Variants in BATF2 observed in about 807,000 individuals in gnomAD.
BATF2 encodes the protein basic leucine zipper transcriptional factor ATF-like 2.
Under a neutral mutation model 7.3 loss-of-function variants are expected in BATF2, and 4 were observed. The observed-to-expected ratio is 0.55, with a 90% CI of 0.27 to 1.26. The LOEUF is 1.26. Ranked by LOEUF, BATF2 falls within the 50% of genes most tolerant of loss-of-function variation. The pLI is 0.11. For missense variants in BATF2, 295 were observed against 340.5 expected (o/e 0.87, Z 1.05); for synonymous variants, 152 against 153.9 (o/e 0.99, Z 0.09).
intron 1 of BATF2, 115 bp downstream of exon 1, chr11:64,996,761 C>T (rs1590722447): frequency 7.7e-7 from 1 of 1,301,474 alleles, no homozygotes; most frequent in African/African-American, 1.5e-5. Flanking sequence ...TGTCACACTG[C>T]TCAGAGTATA....
intron 1 of BATF2, 47 bp downstream of exon 1, chr11:64,996,829 A>T: frequency 6.2e-7 from 1 of 1,610,654 alleles, no homozygotes; most frequent in Non-Finnish European, 8.5e-7. Context: ...TGAGGACGGG[A>T]TCCCAGCTCC....
At chr11:64,993,762 G>T (rs1404519227) in intron 2 of BATF2, among the ~76,000 whole-genome samples, 1 of 152,010 alleles carries the variant, frequency 6.6e-6, no homozygotes, top group Non-Finnish European at 1.5e-5. Flanking sequence ...GGCCCACCTG[G>T]CCTCATGAGG....
Position 64,994,516 on chromosome 11 carries a change from G to C in BATF2, c.73C>G (p.Gln25Glu), listed in dbSNP as rs201397187. Reference sequence around the variant, plus strand: ...CGCTGGGCGGCTGCCCGGTTCTTCTGCTTCTTCAGCTGCCTTTGTTGCTCC... The same window carrying C: ...CGCTGGGCGGCTGCCCGGTTCTTCTCCTTCTTCAGCTGCCTTTGTTGCTCC... ...PKEQQRQLKK[Q>E]KNRAAAQRSR... The change falls in exon 2 of 3, where the codon CAG (glutamine) becomes GAG (glutamate). Residue 25 changes from glutamine (Q) to glutamate (E), a missense_variant. Coordinates refer to ENST00000301887, the MANE Select transcript of BATF2 (RefSeq NM_138456.4). 6.9e-6 allele frequency: 11 copies of C among 1,604,046 alleles called. No homozygotes were observed. Among genetic ancestry groups the C allele is most frequent in the South Asian group, 1.1e-5 (1 of 89,256 alleles).
intron 2 of BATF2, among the ~76,000 whole-genome samples, chr11:64,992,054 CAG>C (rs746114543): frequency 2.9e-4 from 44 of 152,144 alleles, no homozygotes; most frequent in Admixed American, 4.6e-4. Context: ...GTTTTTGAGA[CAG>C]AGTCTCTCTC....
rs1292812593 is a variant in BATF2 at position 64,989,509 on chromosome 11, G to A, written c.445C>T (p.Leu149Phe). Residue 149 changes from leucine to phenylalanine, a missense_variant, in exon 3 of 3, where the codon CTC (leucine) becomes TTC (phenylalanine). Coordinates refer to ENST00000301887, the MANE Select transcript of BATF2 (RefSeq NM_138456.4). The surrounding 1 kb of genome is among the most constrained non-coding windows in gnomAD (Gnocchi z 4.3). ...GACAGTGAGGGCAGGGGGCACTGGA[G>A]GAGGCTGGGAGAATCATGAGGCTGT... ...GPQPHDSPSL[L>F]QCPLPSLSLG... 1.0e-5 allele frequency: 16 copies of A among 1,601,274 alleles called. No individual in the cohort carries two copies. The highest frequency in any genetic ancestry group is 1.6e-4 in the Middle Eastern group (1 of 6,066).
At chr11:64,994,854 C>CT (rs990050230) in intron 1 of BATF2, among the ~76,000 whole-genome samples, 9 of 151,202 alleles carry the variant, frequency 6.0e-5, no homozygotes, top group East Asian at 1.9e-4. Context: ...TTCTTTTTTC[C>CT]TTTTTTTTTG....
At chr11:64,993,773 TG>T (rs1181142793) in intron 2 of BATF2, among the ~76,000 whole-genome samples, 3 of 151,846 alleles carry the variant, frequency 2.0e-5, no homozygotes, top group African/African-American at 7.3e-5. Context: ...CCTCATGAGG[TG>T]GGACCTGGCA....
intron 2 of BATF2, chr11:64,990,759 G>T (rs1946069263): frequency 2.0e-6 from 1 of 502,464 alleles, no homozygotes; most frequent in Non-Finnish European, 2.6e-6. Context: ...TTGCAAAGGT[G>T]TTTTGCATAA....
At chr11:64,992,590 G>A (rs1946085313) in intron 2 of BATF2, among the ~76,000 whole-genome samples, 2 of 152,054 alleles carry the variant, frequency 1.3e-5, no homozygotes, top group Non-Finnish European at 2.9e-5. Context: ...GCTGGGAGCG[G>A]TGGCTCAAGC....
intron 2 of BATF2, chr11:64,990,118 C>G (rs920781957): frequency 1.3e-6 from 2 of 1,535,650 alleles, no homozygotes; most frequent in African/African-American, 2.7e-5. Flanking sequence ...CCCAAACCAC[C>G]TATTCTCTTG....
chr11:64,989,994 C>CT lies in BATF2; in HGVS notation c.142-183dup. On this transcript the variant is annotated intron_variant, in intron 2 of 2. Transcript: ENST00000301887. This position sits in a 1 kb window ranked among gnomAD's most constrained non-coding sequence, Gnocchi z 4.3. ...TTCATAACCACCTACCAAGTCTCCC[C>CT]TGTCCCACCCTCTGAAGGGGGCTCA... is the stretch of plus-strand genomic sequence containing the variant. The CT allele has an allele frequency of 6.6e-7, 1 of 1,521,182 alleles. No homozygotes were observed. The highest frequency in any genetic ancestry group is 8.9e-7 in the Non-Finnish European group (1 of 1,124,694). 94.2% of individuals were successfully genotyped at this position (1,521,182 alleles called of 1,614,324 possible). A position where few individuals can be genotyped will look rare whatever the true frequency, so the allele number is the denominator to read the frequency against.
intron 2 of BATF2, among the ~76,000 whole-genome samples, chr11:64,992,939 G>A (rs1005930268): frequency 6.7e-6 from 1 of 149,726 alleles, no homozygotes; most frequent in Non-Finnish European, 1.5e-5. Flanking sequence ...TGGGAGGATT[G>A]CTTGAGCCCA....
In BATF2 at chr11:64,996,924, G is replaced by T. The variant is rs75135680; in HGVS notation, c.-10C>A. On this transcript the variant is annotated 5_prime_UTR_variant, in exon 1 of 3. Transcript: ENST00000301887. Reference sequence around the variant, plus strand: ...CCCCACAGAGGTGCATGGCTTAGGCGGGGGAGCAGAGTGGTCCCTCAGCAG... The same window carrying T: ...CCCCACAGAGGTGCATGGCTTAGGCTGGGGAGCAGAGTGGTCCCTCAGCAG... 15 of 1,591,634 alleles carry T rather than the reference G, an allele frequency of 9.4e-6. No homozygotes were observed. In the African/African-American group the frequency reaches 1.6e-4, roughly 17 times the overall value.
chr11:64,993,418 T>C (rs1379223826), intron 2 of BATF2, among the ~76,000 whole-genome samples: 2 of 151,774 alleles, frequency 1.3e-5, no homozygotes, highest in African/African-American at 4.8e-5. Context: ...GATCACTCTG[T>C]CCTCTCACAT....
chr11:64,988,955 G>T lies in BATF2; in HGVS notation c.*174C>A. 1 of 642,698 alleles carries T rather than the reference G, an allele frequency of 1.6e-6. No homozygotes were observed. The allele number at this position is 642,698 out of a possible 1,614,324, so 39.8% of individuals were successfully genotyped here. A position where few individuals can be genotyped will look rare whatever the true frequency, so the allele number is the denominator to read the frequency against. On this transcript the variant is annotated 3_prime_UTR_variant, in exon 3 of 3. Coordinates refer to ENST00000301887, the MANE Select transcript of BATF2 (RefSeq NM_138456.4). Reference sequence around the variant, plus strand: ...GAGGTTGAAATAAGATATTGGTGGTGACAGGGCCTGTCACAGTGGGAGGCA... The same window carrying T: ...GAGGTTGAAATAAGATATTGGTGGTTACAGGGCCTGTCACAGTGGGAGGCA...
chr11:64,996,867 T>C lies in BATF2; in HGVS notation c.39+9A>G. On this transcript the variant is annotated intron_variant, in intron 1 of 2. Transcript: ENST00000301887. ...TTCTCATCCCCGATCCCCAATCCCCTGTACTCACTGTCTGGGTCAGCAGCC... is the reference window on the plus strand; with the variant it reads ...TTCTCATCCCCGATCCCCAATCCCCCGTACTCACTGTCTGGGTCAGCAGCC... The C allele has an allele frequency of 1.2e-6, 2 of 1,611,472 alleles. No homozygotes were observed. The highest frequency in any genetic ancestry group is 1.7e-6 in the Non-Finnish European group (2 of 1,178,750).
chr11:64,990,055 A>G, intron 2 of BATF2: 1 of 1,536,964 alleles, frequency 6.5e-7, no homozygotes, highest in Non-Finnish European at 8.7e-7. Context: ...TAGTGCCCTG[A>G]GCCGGTGCCA....
rs374967352 is a variant in BATF2 at position 64,989,272 on chromosome 11, A to T, written c.682T>A (p.Ser228Thr). The change falls in exon 3 of 3, where the codon TCT becomes ACT. Residue 228 changes from serine (S) to threonine (T), a missense_variant. Physicochemically the swap from Ser to Thr is moderately conservative, Grantham distance 58 (BLOSUM62 1). Transcript: ENST00000301887. This position sits in a 1 kb window ranked among gnomAD's most constrained non-coding sequence, Gnocchi z 4.3. ...KLGSSPDNPSSALGLARLQSR... is the reference protein window; with the variant it reads ...KLGSSPDNPSTALGLARLQSR... ...TGCAGACGTGCAAGCCCCAGGGCAGAGGAAGGGTTGTCGGGAGAGGACCCC... is the reference window on the plus strand; with the variant it reads ...TGCAGACGTGCAAGCCCCAGGGCAGTGGAAGGGTTGTCGGGAGAGGACCCC... The T allele has an allele frequency of 3.1e-6, 5 of 1,605,782 alleles. No homozygotes were observed. Among genetic ancestry groups the T allele is most frequent in the Non-Finnish European group, 4.3e-6 (5 of 1,175,316 alleles).
Position 64,993,095 on chromosome 11 carries a change from C to A in BATF2, c.141+1353G>T, listed in dbSNP as rs146808721. Among the ~76,000 whole-genome samples the A allele has an allele frequency of 1.1e-3, 172 of 152,274 alleles. 1 individual carries two copies. Among genetic ancestry groups the A allele is most frequent in the African/African-American group, 4.0e-3 (168 of 41,556 alleles). On this transcript the variant is annotated intron_variant, in intron 2 of 2. Coordinates refer to ENST00000301887, the MANE Select transcript of BATF2 (RefSeq NM_138456.4). ...AAGGAGGGGGCCAGGTGCAGTGGTTCACGCCTGTAATCCCAGCACTTTGGG... is the reference window on the plus strand; with the variant it reads ...AAGGAGGGGGCCAGGTGCAGTGGTTAACGCCTGTAATCCCAGCACTTTGGG...
Sources: allele counts gnomAD v4.1 joint callset (sites outside exome capture counted in the v4.1 genomes callset), GRCh38; gene constraint gnomAD v4.1.1; non-coding constraint Gnocchi (gnomAD v3.1); transcripts MANE v1.5; gene names NCBI Gene and HGNC (gene_info 2026-07-23, HGNC 2026-07-21).